Variants in ABCA9 observed in about 807,000 individuals in gnomAD.
ABCA9 encodes ATP-binding cassette sub-family A member 9.
Under a neutral mutation model 205.3 loss-of-function variants are expected in ABCA9, and 183 were observed. The ratio of observed to expected loss-of-function variants is 0.89; its 90% CI spans 0.79 to 1.01. The LOEUF (loss-of-function observed/expected upper bound fraction) is 1.01. ABCA9 is among the 50% of genes least tolerant of loss of function. The probability of loss-of-function intolerance (pLI) is 0.00; values close to 1 mark genes in which losing one functional copy is unlikely to be tolerated. For synonymous variants in ABCA9, 651 were observed against 683.3 expected (o/e 0.95, Z 0.74); for missense variants, 1,805 against 1,912.4 (o/e 0.94, Z 1.05).
the ABCA9 span, among the ~76,000 whole-genome samples, chr17:69,069,640 A>G: frequency 6.6e-6 from 1 of 151,444 alleles, no homozygotes; most frequent in Non-Finnish European, 1.5e-5. Flanking sequence ...ATAGAGAGTA[A>G]AGCCTGCACT....
rs890733878 is a variant in ABCA9, at chr17:68,975,785, A to G, written c.*130T>C. 14 of 728,542 alleles carry G rather than the reference A, an allele frequency of 1.9e-5. No individual in the cohort carries two copies. In the South Asian group the frequency reaches 2.3e-4, roughly 12 times the overall value. 45.1% of individuals were successfully genotyped at this position (728,542 alleles called of 1,614,324 possible). On this transcript the variant is annotated 3_prime_UTR_variant, in exon 39 of 39. Coordinates refer to ENST00000340001, the MANE Select transcript of ABCA9 (RefSeq NM_080283.4). ...CTGTTGTCTCACTGTAAGAAATACT[A>G]CTGAGGATAATTATTGCATGAGTTT... is the stretch of plus-strand genomic sequence containing the variant.
At chr17:69,021,225 A>G (rs1352036621) in intron 18 of ABCA9, among the ~76,000 whole-genome samples, 1 of 152,108 alleles carries the variant, frequency 6.6e-6, no homozygotes, top group East Asian at 1.9e-4. Flanking sequence ...AGAAAATTGC[A>G]AAAATGAAAA....
intron 6 of ABCA9, among the ~76,000 whole-genome samples, chr17:69,041,945 C>A (rs1454583545): frequency 6.6e-6 from 1 of 152,096 alleles, no homozygotes; most frequent in Non-Finnish European, 1.5e-5. Context: ...GTCTAATATT[C>A]TTTGAAAGCC....
At chr17:69,052,899 C>T (rs1051987662) in intron 1 of ABCA9, among the ~76,000 whole-genome samples, 1 of 152,172 alleles carries the variant, frequency 6.6e-6, no homozygotes, top group Non-Finnish European at 1.5e-5. Context: ...GAAAAACAGT[C>T]TAATTGCAAT....
At chr17:68,992,778 A>T (rs937807704) in intron 27 of ABCA9, 1 of 359,660 alleles carries the variant, frequency 2.8e-6, no homozygotes, top group Non-Finnish European at 5.0e-6. Flanking sequence ...GCGCCATTGC[A>T]CTCCAGTCTG....
At chr17:69,060,614 T>C (rs1294074796) in intron 1 of ABCA9, among the ~76,000 whole-genome samples, 2 of 152,256 alleles carry the variant, frequency 1.3e-5, no homozygotes, top group African/African-American at 4.8e-5. Flanking sequence ...TTTTGATTTA[T>C]TCAATAGCCT....
chr17:68,981,720 G>A (rs1005289593), intron 37 of ABCA9, among the ~76,000 whole-genome samples: 6 of 151,648 alleles, frequency 4.0e-5, no homozygotes, highest in African/African-American at 7.3e-5. Context: ...TGTGCTACTC[G>A]GGAGGCTGAG....
chr17:68,998,267 A>T (rs1236750583), intron 25 of ABCA9, among the ~76,000 whole-genome samples: 2 of 152,206 alleles, frequency 1.3e-5, no homozygotes. Flanking sequence ...GTGTGGACCA[A>T]CTAATATTTT....
chr17:69,006,877 G>T (rs1021647177), intron 25 of ABCA9, among the ~76,000 whole-genome samples: 2 of 152,180 alleles, frequency 1.3e-5, no homozygotes, highest in Non-Finnish European at 2.9e-5. Flanking sequence ...CAGGAGGCAA[G>T]AGTAGAAACA....
chr17:69,027,195 T>C (rs1383932844), intron 14 of ABCA9, 81 bp from the exon 15 acceptor site: 1 of 1,579,490 alleles, frequency 6.3e-7, no homozygotes, highest in African/African-American at 1.4e-5. Context: ...TTAAAAGTAT[T>C]TGGGAGAAAC....
chr17:69,077,430 G>C, the ABCA9 span, among the ~76,000 whole-genome samples: 1 of 152,102 alleles, frequency 6.6e-6, no homozygotes, highest in Non-Finnish European at 1.5e-5. Context: ...CTGAGCATGT[G>C]GCCAATCTTG....
intron 25 of ABCA9, among the ~76,000 whole-genome samples, chr17:69,001,314 T>C (rs1412313509): frequency 6.6e-6 from 1 of 152,100 alleles, no homozygotes; most frequent in Non-Finnish European, 1.5e-5. Flanking sequence ...TTATTGAGAG[T>C]TTTTAGCATG....
At chr17:69,016,143 C>CA in intron 22 of ABCA9, 110 bp downstream of exon 22, 3 of 603,814 alleles carry the variant, frequency 5.0e-6, no homozygotes, top group South Asian at 7.2e-5. Context: ...CACACACACA[C>CA]AAGTTTAAGA....
Position 68,985,280 on chromosome 17 carries a change from T to C in ABCA9, c.4209-152A>G, listed in dbSNP as rs182138022. 8 of 891,320 alleles carry C rather than the reference T, an allele frequency of 9.0e-6. No homozygotes were observed. The Admixed American group carries it at 1.7e-4, about 19-fold the overall frequency. 55.2% of individuals were successfully genotyped at this position (891,320 alleles called of 1,614,324 possible). A position where few individuals can be genotyped will look rare whatever the true frequency, so the allele number is the denominator to read the frequency against. ...AAACCACCTAGGTACTTTATGAACC[T>C]TTCATAGTCATCAAACTCATATTTT... On this transcript the variant is annotated intron_variant, in intron 32 of 38. Coordinates refer to ENST00000340001, the MANE Select transcript of ABCA9 (RefSeq NM_080283.4).
rs182676491 is a variant in ABCA9, at chr17:68,991,006, G to C, written c.3717-49C>G. 315 of 1,577,598 alleles carry C rather than the reference G, an allele frequency of 2.0e-4. 2 individuals carry two copies. The African/African-American group carries it at 3.9e-3, about 19-fold the overall frequency. ...TGATAAACTTCGGGTTAAAAATCTT[G>C]TATCAAAATTAATGAATTTTCTCTA... On this transcript the variant is annotated intron_variant, in intron 28 of 38. Transcript: ENST00000340001.
In ABCA9 at chr17:69,027,746, C is replaced by A; in HGVS notation, c.1685G>T (p.Gly562Val). The A allele has an allele frequency of 6.2e-7, 1 of 1,612,850 alleles. No individual in the cohort carries two copies. Residue 562 changes from glycine (G) to valine (V), a missense_variant, in exon 13 of 39, where the codon GGA becomes GTA. Physicochemically the swap from Gly to Val is moderately radical, Grantham distance 109 (BLOSUM62 -3). Transcript: ENST00000340001. ...ADIENISKFT[G>V]FCPQSNVQFG... ...TTGCACATTGGATTGTGGACAAAATCCAGTGAACTTGCTGATATTTTCTAT... is the reference window on the plus strand; with the variant it reads ...TTGCACATTGGATTGTGGACAAAATACAGTGAACTTGCTGATATTTTCTAT...
chr17:68,998,834 T>C (rs1252998398), intron 25 of ABCA9, among the ~76,000 whole-genome samples: 3 of 141,424 alleles, frequency 2.1e-5, no homozygotes, highest in Non-Finnish European at 4.5e-5. Flanking sequence ...TAAAATTTCT[T>C]TTTTTTTTGT....
chr17:69,051,395 G>T (rs972265868), intron 1 of ABCA9: 2 of 428,798 alleles, frequency 4.7e-6, no homozygotes, highest in African/African-American at 4.0e-5. Context: ...GAATAGTGTC[G>T]ATCGTTGCTA....
chr17:69,069,179 G>C, the ABCA9 span, among the ~76,000 whole-genome samples: 1 of 152,194 alleles, frequency 6.6e-6, no homozygotes, highest in Non-Finnish European at 1.5e-5. Flanking sequence ...ATCAGAGATT[G>C]AGGTTTCAGG....
Sources: allele counts gnomAD v4.1 joint callset (sites outside exome capture counted in the v4.1 genomes callset), GRCh38; gene constraint gnomAD v4.1.1; transcripts MANE v1.5; gene names NCBI Gene and HGNC (gene_info 2026-07-23, HGNC 2026-07-21).